Variants in NUP214 observed in about 807,000 individuals in gnomAD.
NUP214 encodes the protein nuclear pore complex protein Nup214.
A neutral mutation model predicts 196.2 loss-of-function variants in NUP214; 79 were observed. That is an observed-to-expected ratio of 0.40 (90% CI 0.34 to 0.49). The LOEUF is 0.49. NUP214 is among the 20% of genes least tolerant of loss of function. The pLI is 0.58. For synonymous variants in NUP214, 1,020 were observed against 990.5 expected, an observed-to-expected ratio of 1.03 and a Z score of -0.56; for missense variants, 2,468 against 2,539.0, an observed-to-expected ratio of 0.97 and a Z score of 0.60.
Position 131,144,707 on chromosome 9 carries a change from C to T in NUP214, c.1722C>T (p.Pro574=), listed in dbSNP as rs777160951. The T allele has an allele frequency of 2.7e-5, 44 of 1,613,484 alleles. No individual in the cohort carries two copies. The highest frequency in any genetic ancestry group is 3.4e-5 in the Non-Finnish European group (40 of 1,179,646). The change falls in exon 12 of 36, where the codon CCC becomes CCT. Residue 574 remains proline (P), a synonymous_variant. Transcript: ENST00000359428. ...CTGCTCCAAATATAGCAATGAAGCCCTCCTTCCCACCCTCAACCTCTGCTG... is the reference window on the plus strand; with the variant it reads ...CTGCTCCAAATATAGCAATGAAGCCTTCCTTCCCACCCTCAACCTCTGCTG... ...SVSAPNIAMK[P]SFPPSTSAVK... is the part of the protein sequence containing the mutation.
intron 17 of NUP214, among the ~76,000 whole-genome samples, chr9:131,154,238 T>A (rs1019636797): frequency 1.3e-5 from 2 of 152,178 alleles, no homozygotes; most frequent in Non-Finnish European, 2.9e-5. Context: ...TTTTTAAAAA[T>A]TTCAATAGTT....
chr9:131,163,336 A>G (rs17454677), intron 19 of NUP214, 163 bp downstream of exon 19: 11,827 of 635,458 alleles, frequency 0.019, 165 homozygotes, highest in South Asian at 0.025. Context: ...TTCTTTGCCT[A>G]AAAAATGAGG....
chr9:131,178,156 A>G (rs1008750415), intron 23 of NUP214, among the ~76,000 whole-genome samples, 155 bp from the exon 24 acceptor site: 2 of 152,228 alleles, frequency 1.3e-5, no homozygotes, highest in African/African-American at 4.8e-5. Flanking sequence ...TCCTTTGAAC[A>G]CAATGCTGCA....
At position 131,232,403 on chromosome 9, in the gene NUP214, GT is replaced by G. The variant is rs1408324041; in HGVS notation, c.6239+101del. ...TGCTGGATTTGTGCATTTTCTTTTC[GT>G]TTTTTCCTGTTTTTAGAGTTTGTCC... On this transcript the variant is annotated intron_variant, in intron 35 of 35. Coordinates refer to ENST00000359428, the MANE Select transcript of NUP214 (RefSeq NM_005085.4). This position sits in a 1 kb window ranked among gnomAD's most constrained non-coding sequence, Gnocchi z 5.1. 5.4e-6 allele frequency: 7 copies of G among 1,307,202 alleles called. No individual in the cohort carries two copies. Among genetic ancestry groups the G allele is most frequent in the Non-Finnish European group, 7.7e-6 (7 of 903,496 alleles). 81.0% of individuals were successfully genotyped at this position (1,307,202 alleles called of 1,614,324 possible).
chr9:131,130,137 G>GTTTTGTTT (rs1564176236), intron 4 of NUP214, among the ~76,000 whole-genome samples: 3 of 76,894 alleles, frequency 3.9e-5, no homozygotes, highest in African/African-American at 1.5e-4. Context: ...TTCTGGTTTT[G>GTTTTGTTT]TTTTTTTTTT....
intron 19 of NUP214, among the ~76,000 whole-genome samples, chr9:131,163,575 G>A (rs1023731278): frequency 2.4e-4 from 37 of 152,136 alleles, no homozygotes; most frequent in Non-Finnish European, 4.1e-4. Flanking sequence ...CAGATTGACA[G>A]TTTGCCTTGA....
rs1436116595 is a variant in NUP214, at chr9:131,198,872, C to T, written c.5378C>T (p.Thr1793Ile). ...TCATTTGGACAGTCTTCTCCCAACACAGGAGGGGGGCTGTTTGGCCAAAGC... is the reference window on the plus strand; with the variant it reads ...TCATTTGGACAGTCTTCTCCCAACATAGGAGGGGGGCTGTTTGGCCAAAGC... ...SFSFGQSSPN[T>I]GGGLFGQSNA... Residue 1793 changes from threonine to isoleucine, a missense_variant, in exon 29 of 36, where the codon ACA (threonine) becomes ATA (isoleucine). Physicochemically the swap from Thr to Ile is moderately conservative, Grantham distance 89. Coordinates refer to ENST00000359428, the MANE Select transcript of NUP214 (RefSeq NM_005085.4). 1.2e-6 allele frequency: 2 copies of T among 1,614,186 alleles called. No homozygotes were observed. Among genetic ancestry groups the T allele is most frequent in the South Asian group, 2.2e-5 (2 of 91,076 alleles).
chr9:131,234,041 A>G lies in NUP214; in HGVS notation c.*554A>G, dbSNP rs1387641044. 13 of 254,878 alleles carry G rather than the reference A, an allele frequency of 5.1e-5. No homozygotes were observed. Among genetic ancestry groups the G allele is most frequent in the Admixed American group, 3.1e-4 (6 of 19,494 alleles). The allele number at this position is 254,878 out of a possible 1,614,324, so 15.8% of individuals were successfully genotyped here. ...GGAGGCAGAGGAAGCCACTCATGCCAGCAGCAGTTGAGTTTCAGAAGCAGC... is the reference window on the plus strand; with the variant it reads ...GGAGGCAGAGGAAGCCACTCATGCCGGCAGCAGTTGAGTTTCAGAAGCAGC... On this transcript the variant is annotated 3_prime_UTR_variant, in exon 36 of 36. Transcript: ENST00000359428.
intron 24 of NUP214, among the ~76,000 whole-genome samples, chr9:131,183,900 G>GC (rs1833363523): frequency 1.3e-5 from 2 of 151,746 alleles, no homozygotes; most frequent in Admixed American, 1.3e-4. Flanking sequence ...AAATTTGGAT[G>GC]CATGCTGCTT....
chr9:131,232,150 G>A lies in NUP214; in HGVS notation c.6215-134G>A, dbSNP rs944789463. The A allele has an allele frequency of 4.7e-6, 4 of 842,902 alleles. No homozygotes were observed. The African/African-American group carries it at 5.0e-5, about 11-fold the overall frequency. The allele number at this position is 842,902 out of a possible 1,614,324, so 52.2% of individuals were successfully genotyped here. On this transcript the variant is annotated intron_variant, in intron 34 of 35. Transcript: ENST00000359428. The surrounding 1 kb of genome is among the most constrained non-coding windows in gnomAD (Gnocchi z 5.1). ...AGGGGCTTCTGTGTGTACCTTTCCT[G>A]CCTTCCTGTAGGTGGTGGAGGCACG... is the stretch of plus-strand genomic sequence containing the variant.
At chr9:131,178,648 G>A (rs189913144) in intron 24 of NUP214, among the ~76,000 whole-genome samples, 2 of 151,126 alleles carry the variant, frequency 1.3e-5, no homozygotes, top group East Asian at 3.9e-4. Context: ...TGTATGCTCA[G>A]TTTCTGTTTG....
At chr9:131,225,507 C>A (rs1271322102) in intron 32 of NUP214, among the ~76,000 whole-genome samples, 1 of 152,094 alleles carries the variant, frequency 6.6e-6, no homozygotes, top group Admixed American at 6.5e-5. Context: ...ACTTATTTGC[C>A]CCATGAAACT....
At chr9:131,127,741 G>A (rs1433065124) in intron 2 of NUP214, 22 bp downstream of exon 2, 5 of 1,570,056 alleles carry the variant, frequency 3.2e-6, no homozygotes, top group African/African-American at 1.4e-5. Context: ...GGTTTATGTT[G>A]CAAAGTAGAG....
chr9:131,167,921 G>T (rs1832833960), intron 21 of NUP214, among the ~76,000 whole-genome samples: 1 of 152,170 alleles, frequency 6.6e-6, no homozygotes, highest in African/African-American at 2.4e-5. Flanking sequence ...CTCTTGCTCT[G>T]TTGCCCAGGC....
rs761974867 is a variant in NUP214, at chr9:131,228,382, A to G, written c.6074+51A>G. ...GGAACCCACACGCCAGCCAAAAAGC[A>G]CTAGGGGCCTGTACTCTTGCTCTGA... is the stretch of plus-strand genomic sequence containing the variant. On this transcript the variant is annotated intron_variant, in intron 33 of 35. Transcript: ENST00000359428. 1.8e-5 allele frequency: 28 copies of G among 1,536,658 alleles called. No homozygotes were observed. The East Asian group carries it at 6.1e-4, about 33-fold the overall frequency.
At chr9:131,177,518 GAT>G (rs554720015) in intron 23 of NUP214, among the ~76,000 whole-genome samples, 122 of 152,318 alleles carry the variant, frequency 8.0e-4, no homozygotes, top group African/African-American at 2.9e-3. Context: ...AAATATGAAA[GAT>G]GTGCAGTCGT....
chr9:131,194,094 C>T (rs1235556973), intron 27 of NUP214: 3 of 149,598 alleles, frequency 2.0e-5, no homozygotes, highest in Non-Finnish European at 4.4e-5. Context: ...TAAGTTATTA[C>T]ATTATTTAGT....
chr9:131,130,132 G>GTTTTTTTTT (rs1245763919), intron 4 of NUP214, among the ~76,000 whole-genome samples: 8 of 46,610 alleles, frequency 1.7e-4, no homozygotes, highest in African/African-American at 2.1e-4. Context: ...ATGATTTCTG[G>GTTTTTTTTT]TTTTGTTTTT....
chr9:131,202,976 C>T (rs1042762414), intron 30 of NUP214, among the ~76,000 whole-genome samples: 4 of 150,288 alleles, frequency 2.7e-5, no homozygotes, highest in Non-Finnish European at 4.4e-5. Flanking sequence ...GACCGAGTGT[C>T]GCTCTTTTGC....
Sources: allele counts gnomAD v4.1 joint callset (sites outside exome capture counted in the v4.1 genomes callset), GRCh38; gene constraint gnomAD v4.1.1; non-coding constraint Gnocchi (gnomAD v3.1); transcripts MANE v1.5; gene names NCBI Gene and HGNC (gene_info 2026-07-23, HGNC 2026-07-21).